Variants in PLCL2 observed in about 807,000 individuals in gnomAD.
PLCL2 encodes phospholipase C like 2.
A neutral mutation model predicts 79.6 loss-of-function variants in PLCL2; 4 were observed. The observed-to-expected ratio is 0.05, with a 90% CI of 0.02 to 0.11. The LOEUF (loss-of-function observed/expected upper bound fraction) is 0.11, where lower values mean the gene tolerates loss of function less well. PLCL2 is among the 10% of genes least tolerant of loss of function. The pLI is 1.00. For synonymous variants in PLCL2, 484 were observed against 457.7 expected (o/e 1.06, Z -0.73); for missense variants, 895 against 1,291.0 (o/e 0.69, Z 4.70).
chr3:16,937,040 T>A, intron 1 of PLCL2, among the ~76,000 whole-genome samples: 1 of 152,090 alleles, frequency 6.6e-6, no homozygotes, highest in South Asian at 2.1e-4. Context: ...AGCTGATCTC[T>A]ACCCACTAAA....
chr3:16,929,974 G>A (rs555939215), intron 1 of PLCL2, among the ~76,000 whole-genome samples: 12 of 152,228 alleles, frequency 7.9e-5, no homozygotes, highest in African/African-American at 2.9e-4. Flanking sequence ...GAAGACAGAG[G>A]CCTCTCTTTT....
intron 1 of PLCL2, among the ~76,000 whole-genome samples, chr3:16,895,674 A>G (rs933023931): frequency 6.6e-6 from 1 of 152,214 alleles, no homozygotes; most frequent in African/African-American, 2.4e-5. Context: ...TTAAAGCAGC[A>G]TTAATTCTAA....
At chr3:16,922,041 AT>A (rs1697135630) in intron 1 of PLCL2, among the ~76,000 whole-genome samples, 1 of 152,196 alleles carries the variant, frequency 6.6e-6, no homozygotes. Context: ...AACAAAAGCT[AT>A]TTTTAATCTA....
intron 5 of PLCL2, among the ~76,000 whole-genome samples, chr3:17,087,130 T>C (rs2065228570): frequency 6.6e-6 from 1 of 152,178 alleles, no homozygotes; most frequent in African/African-American, 2.4e-5. Flanking sequence ...ACTCTTACCA[T>C]ATGATCCAGC....
chr3:16,910,397 A>G (rs573191447), intron 1 of PLCL2, among the ~76,000 whole-genome samples: 3 of 152,068 alleles, frequency 2.0e-5, no homozygotes, highest in Admixed American at 1.3e-4. Context: ...TTCACCCGTC[A>G]GTAGTGTTTG....
chr3:16,979,763 C>G (rs1183687036), intron 1 of PLCL2, among the ~76,000 whole-genome samples: 1 of 147,954 alleles, frequency 6.8e-6, no homozygotes, highest in Non-Finnish European at 1.5e-5. Context: ...GGCAACCATC[C>G]GATTTCTCAA....
intron 1 of PLCL2, among the ~76,000 whole-genome samples, chr3:16,915,217 C>A (rs1165333422): frequency 2.0e-5 from 3 of 152,204 alleles, no homozygotes; most frequent in African/African-American, 7.2e-5. Flanking sequence ...ATTCTTCTCG[C>A]TATGAGGTTC....
At chr3:17,083,030 T>C (rs1396015526) in intron 5 of PLCL2, among the ~76,000 whole-genome samples, 2 of 152,144 alleles carry the variant, frequency 1.3e-5, no homozygotes, top group African/African-American at 2.4e-5. Flanking sequence ...GGCACTGTTC[T>C]AGGCTCTGAG....
At chr3:16,888,034 A>C (rs1696265220) in intron 1 of PLCL2, among the ~76,000 whole-genome samples, 1 of 152,124 alleles carries the variant, frequency 6.6e-6, no homozygotes, top group Admixed American at 6.5e-5. Context: ...ATTAGTTGAA[A>C]TGCTGGGCTT....
intron 1 of PLCL2, among the ~76,000 whole-genome samples, chr3:16,993,043 A>G (rs1480447328): frequency 6.6e-6 from 1 of 152,212 alleles, no homozygotes; most frequent in African/African-American, 2.4e-5. Flanking sequence ...GAAAGTGTCC[A>G]GACAGACTAG....
chr3:17,031,675 A>G (rs75806708), intron 3 of PLCL2, among the ~76,000 whole-genome samples: 2,234 of 152,312 alleles, frequency 0.015, 23 homozygotes, highest in Non-Finnish European at 0.023. Flanking sequence ...AATCATGTAC[A>G]AAATGATGTA....
intron 1 of PLCL2, among the ~76,000 whole-genome samples, chr3:16,993,900 T>C (rs1386166533): frequency 6.6e-6 from 1 of 152,188 alleles, no homozygotes; most frequent in Non-Finnish European, 1.5e-5. Context: ...TAATCATATG[T>C]TCTGTGGCAT....
chr3:16,957,937 G>T (rs924843517), intron 1 of PLCL2, among the ~76,000 whole-genome samples: 5 of 152,096 alleles, frequency 3.3e-5, no homozygotes, highest in African/African-American at 4.8e-5. Flanking sequence ...CACGTGAGAT[G>T]GGTTTCCTGA....
intron 1 of PLCL2, among the ~76,000 whole-genome samples, chr3:16,932,449 A>G (rs1167726307): frequency 6.6e-6 from 1 of 152,216 alleles, no homozygotes; most frequent in Non-Finnish European, 1.5e-5. Context: ...TGTCTTAGAT[A>G]ATATTGAATT....
chr3:16,955,740 TCC>T (rs1190543435), intron 1 of PLCL2, among the ~76,000 whole-genome samples: 1 of 152,204 alleles, frequency 6.6e-6, no homozygotes, highest in Non-Finnish European at 1.5e-5. Flanking sequence ...AGGAGGTCCT[TCC>T]CATCCCTTGT....
intron 1 of PLCL2, among the ~76,000 whole-genome samples, chr3:16,997,967 T>A (rs939287111): frequency 6.6e-6 from 1 of 152,232 alleles, no homozygotes; most frequent in African/African-American, 2.4e-5. Flanking sequence ...AGTGGGGCAA[T>A]TCTCCTTAAT....
chr3:16,995,600 T>G (rs1203630672), intron 1 of PLCL2, among the ~76,000 whole-genome samples: 1 of 152,228 alleles, frequency 6.6e-6, no homozygotes, highest in East Asian at 1.9e-4. Context: ...CTCCACATAA[T>G]ATATTAAAAT....
intron 1 of PLCL2, among the ~76,000 whole-genome samples, chr3:16,950,682 T>A (rs1050391226): frequency 1.3e-5 from 2 of 152,124 alleles, no homozygotes; most frequent in African/African-American, 4.8e-5. Context: ...TCTCGTAGAT[T>A]CTCTTTTTCA....
chr3:17,081,128 C>G (rs886852284), intron 5 of PLCL2: 1 of 455,324 alleles, frequency 2.2e-6, no homozygotes, highest in Non-Finnish European at 4.4e-6. Flanking sequence ...CTTTGTGGAG[C>G]AGGTGGTATC....
Sources: allele counts gnomAD v4.1 joint callset (sites outside exome capture counted in the v4.1 genomes callset), GRCh38; gene constraint gnomAD v4.1.1; transcripts MANE v1.5; gene names NCBI Gene and HGNC (gene_info 2026-07-23, HGNC 2026-07-21).